The following ENTHD1 variants were observed in gnomAD, a reference collection of about 807,000 sequenced individuals.
The protein encoded by ENTHD1 is ENTH domain containing 1.
In ENTHD1, 23 loss-of-function variants were observed where a neutral mutation model predicts 39.1. The observed-to-expected ratio is 0.59, with a 90% CI of 0.42 to 0.83. ENTHD1 has a LOEUF of 0.83. ENTHD1 is among the 40% of genes least tolerant of loss of function. The pLI is 0.00. For synonymous variants in ENTHD1, 230 were observed against 258.2 expected, an observed-to-expected ratio of 0.89 and a Z score of 1.05; for missense variants, 624 against 705.4, an observed-to-expected ratio of 0.88 and a Z score of 1.31.
intron 5 of ENTHD1, among the ~76,000 whole-genome samples, chr22:39,820,476 C>G (rs1408492498): frequency 6.6e-6 from 1 of 152,108 alleles, no homozygotes; most frequent in Non-Finnish European, 1.5e-5. Flanking sequence ...TGCAGTGACT[C>G]AACAGTGAGT....
intron 6 of ENTHD1, among the ~76,000 whole-genome samples, chr22:39,761,626 C>A (rs117119882): frequency 0.012 from 1,868 of 152,090 alleles, 15 homozygotes; most frequent in Non-Finnish European, 0.022. Context: ...TTTCTTTAAT[C>A]TTTTTCTTTC....
chr22:39,824,485 AG>A (rs938697080), intron 4 of ENTHD1, among the ~76,000 whole-genome samples: 2 of 152,092 alleles, frequency 1.3e-5, no homozygotes, highest in South Asian at 2.1e-4. Context: ...CGGGGATTAC[AG>A]GGGTGAGCCA....
chr22:39,759,250 T>A (rs1220793615), intron 6 of ENTHD1, among the ~76,000 whole-genome samples: 1 of 152,178 alleles, frequency 6.6e-6, no homozygotes, highest in Non-Finnish European at 1.5e-5. Context: ...GTGATGTGTT[T>A]TTGATAATAT....
intron 5 of ENTHD1, among the ~76,000 whole-genome samples, chr22:39,796,976 T>C (rs1322444114): frequency 6.6e-6 from 1 of 152,200 alleles, no homozygotes; most frequent in Non-Finnish European, 1.5e-5. Flanking sequence ...TGTTAAAGTC[T>C]CCAACTATTA....
intron 6 of ENTHD1, among the ~76,000 whole-genome samples, chr22:39,762,505 G>A (rs183014529): frequency 8.6e-5 from 13 of 151,850 alleles, no homozygotes; most frequent in African/African-American, 2.2e-4. Context: ...AGGCTAAAGC[G>A]CAGTGGCATG....
intron 6 of ENTHD1, among the ~76,000 whole-genome samples, chr22:39,757,477 G>A (rs983051067): frequency 2.6e-5 from 4 of 152,074 alleles, no homozygotes; most frequent in African/African-American, 4.8e-5. Flanking sequence ...GGTGCAGTTC[G>A]ACCAGCCTGG....
chr22:39,831,188 T>C (rs764808514), intron 4 of ENTHD1, among the ~76,000 whole-genome samples: 1 of 152,044 alleles, frequency 6.6e-6, no homozygotes, highest in Non-Finnish European at 1.5e-5. Flanking sequence ...CAGCCTGGGG[T>C]TGTGGCTTCT....
intron 2 of ENTHD1, among the ~76,000 whole-genome samples, chr22:39,883,003 C>CAA (rs58964198): frequency 4.4e-4 from 21 of 48,100 alleles, no homozygotes; most frequent in East Asian, 7.5e-4. Context: ...GACTTCATCT[C>CAA]AAAAAAAAAA....
At chr22:39,880,070 A>G (rs1021443275) in intron 2 of ENTHD1, among the ~76,000 whole-genome samples, 8 of 152,198 alleles carry the variant, frequency 5.3e-5, no homozygotes, top group African/African-American at 1.9e-4. Context: ...TCCACAAAAA[A>G]TTTTAAAATG....
intron 3 of ENTHD1, among the ~76,000 whole-genome samples, chr22:39,837,433 AT>A (rs1569161403): frequency 1.3e-5 from 2 of 152,180 alleles, no homozygotes; most frequent in Non-Finnish European, 2.9e-5. Flanking sequence ...AAAGAAAGGC[AT>A]ATCTTCACCC....
chr22:39,754,873 C>T (rs181942405), intron 6 of ENTHD1, among the ~76,000 whole-genome samples: 57 of 152,314 alleles, frequency 3.7e-4, no homozygotes, highest in Admixed American at 5.9e-4. Flanking sequence ...AGCTTAAGAC[C>T]TTTACTGACC....
Position 39,743,564 on chromosome 22 carries a change from G to T in ENTHD1, c.*115C>A. The T allele has an allele frequency of 7.9e-7, 1 of 1,265,268 alleles. No individual in the cohort carries two copies. Among genetic ancestry groups the T allele is most frequent in the Non-Finnish European group, 1.1e-6 (1 of 951,862 alleles). The allele number at this position is 1,265,268 out of a possible 1,614,324, so 78.4% of individuals were successfully genotyped here. On this transcript the variant is annotated 3_prime_UTR_variant, in exon 7 of 7. Transcript: ENST00000325157. ...AGATACTTGCTAATAAACCTGACAA[G>T]GAAAAATTAAACCATCCCCTTTTTT...
At chr22:39,862,559 AAAAAG>A (rs903160212) in intron 2 of ENTHD1, among the ~76,000 whole-genome samples, 5 of 151,506 alleles carry the variant, frequency 3.3e-5, no homozygotes, top group East Asian at 1.9e-4. Flanking sequence ...AAAAAAAAAA[AAAAAG>A]AAAGAAAAAG....
Position 39,844,685 on chromosome 22 carries a change from C to T in ENTHD1, c.593-8727G>A, listed in dbSNP as rs910879006. Among the ~76,000 whole-genome samples the T allele has an allele frequency of 6.6e-5, 10 of 152,264 alleles. No homozygotes were observed. In the East Asian group the frequency reaches 1.2e-3, roughly 18 times the overall value. ...AGAAACAAGATCTAGGACATCCCTT[C>T]TCCCCCAAAAGCAATACTGGTAAGA... On this transcript the variant is annotated intron_variant, in intron 3 of 6. Coordinates refer to ENST00000325157, the MANE Select transcript of ENTHD1 (RefSeq NM_152512.4).
At chr22:39,848,489 T>G (rs1417694438) in intron 3 of ENTHD1, among the ~76,000 whole-genome samples, 1 of 152,126 alleles carries the variant, frequency 6.6e-6, no homozygotes, top group African/African-American at 2.4e-5. Flanking sequence ...CCTGACCTCA[T>G]GATCCACCTA....
chr22:39,767,428 A>G (rs1373204840), intron 5 of ENTHD1, among the ~76,000 whole-genome samples: 1 of 152,158 alleles, frequency 6.6e-6, no homozygotes, highest in African/African-American at 2.4e-5. Flanking sequence ...GTTTGAGACC[A>G]GCCTGGGCAA....
intron 6 of ENTHD1, among the ~76,000 whole-genome samples, chr22:39,762,979 T>C (rs1206644765): frequency 2.0e-5 from 3 of 152,078 alleles, no homozygotes; most frequent in Non-Finnish European, 2.9e-5. Context: ...AAATTTTCAA[T>C]GAAAAATTTT....
In ENTHD1 at chr22:39,744,060, A is replaced by T. The variant is rs980493689; in HGVS notation, c.1443T>A (p.Asp481Glu). Residue 481 changes from aspartate (D) to glutamate (E), a missense_variant, in exon 7 of 7, where the codon GAT (aspartate) becomes GAA (glutamate). Asp to Glu is a conservative substitution (Grantham distance 45, BLOSUM62 2). Transcript: ENST00000325157. ...SFASRGPVSSDVEENDSLNLL... is the reference protein window; with the variant it reads ...SFASRGPVSSEVEENDSLNLL... ...GATTGAGGCTATCATTTTCCTCTAC[A>T]TCAGAAGACACTGGGCCCCTAGAAG... is the stretch of plus-strand genomic sequence containing the variant. 4 of 1,614,012 alleles carry T rather than the reference A, an allele frequency of 2.5e-6. No homozygotes were observed. In the African/African-American group the frequency reaches 4.0e-5, roughly 16 times the overall value.
chr22:39,843,749 T>C (rs1024102030), intron 3 of ENTHD1, among the ~76,000 whole-genome samples: 9 of 152,164 alleles, frequency 5.9e-5, no homozygotes, highest in African/African-American at 2.2e-4. Flanking sequence ...GAGGCTGGAA[T>C]GGCTCTTCAC....
Sources: allele counts gnomAD v4.1 joint callset (sites outside exome capture counted in the v4.1 genomes callset), GRCh38; gene constraint gnomAD v4.1.1; transcripts MANE v1.5; gene names NCBI Gene and HGNC (gene_info 2026-07-23, HGNC 2026-07-21).